The following ATXN1 variants were observed in gnomAD, a reference collection of about 807,000 sequenced individuals.
The protein encoded by ATXN1 is ataxin 1.
ATXN1 carries 8 observed loss-of-function variants against 56.4 expected under a neutral mutation model. The ratio of observed to expected loss-of-function variants is 0.14; its 90% CI spans 0.08 to 0.26. The LOEUF is 0.26. Ranked by LOEUF, ATXN1 falls within the 10% of genes least tolerant of loss-of-function variation. ATXN1 has a pLI of 1.00. For synonymous variants in ATXN1, 514 were observed against 494.6 expected, an observed-to-expected ratio of 1.04 and a Z score of -0.52; for missense variants, 987 against 1,106.5, an observed-to-expected ratio of 0.89 and a Z score of 1.53.
intron 6 of ATXN1, among the ~76,000 whole-genome samples, chr6:16,464,585 C>T (rs543585282): frequency 2.0e-5 from 3 of 152,114 alleles, no homozygotes; most frequent in South Asian, 2.1e-4. Context: ...TTGAAGTCAG[C>T]GAGACCATAA....
intron 6 of ATXN1, among the ~76,000 whole-genome samples, chr6:16,354,655 T>C (rs1309421750): frequency 6.6e-6 from 1 of 152,188 alleles, no homozygotes; most frequent in Non-Finnish European, 1.5e-5. Flanking sequence ...TTTAGATATT[T>C]AGAGGATAAT....
intron 2 of ATXN1, among the ~76,000 whole-genome samples, chr6:16,667,742 C>T (rs1321468993): frequency 1.3e-5 from 2 of 152,228 alleles, no homozygotes; most frequent in African/African-American, 4.8e-5. Flanking sequence ...AAACGCTTAA[C>T]TCCCTTGGGT....
chr6:16,602,367 CT>C (rs1762926865), intron 3 of ATXN1, among the ~76,000 whole-genome samples: 1 of 151,978 alleles, frequency 6.6e-6, no homozygotes, highest in African/African-American at 2.4e-5. Context: ...TACTTTAAAG[CT>C]TTTAATTTTT....
At chr6:16,416,070 CAAG>C (rs1338172457) in intron 6 of ATXN1, among the ~76,000 whole-genome samples, 1 of 111,102 alleles carries the variant, frequency 9.0e-6, no homozygotes, top group Non-Finnish European at 1.8e-5. Flanking sequence ...AATTTATTCA[CAAG>C]AAGAACTACC....
intron 5 of ATXN1, among the ~76,000 whole-genome samples, chr6:16,502,564 C>A (rs1415165173): frequency 3.3e-5 from 5 of 152,046 alleles, no homozygotes; most frequent in Non-Finnish European, 5.9e-5. Flanking sequence ...ACAAAACTTG[C>A]CCAGAATATC....
chr6:16,758,778 C>CA, intron 1 of ATXN1, among the ~76,000 whole-genome samples: 1 of 152,218 alleles, frequency 6.6e-6, no homozygotes, highest in East Asian at 1.9e-4. Context: ...GGGAGCCCTT[C>CA]AACCTCTGCT....
intron 6 of ATXN1, among the ~76,000 whole-genome samples, chr6:16,449,199 G>A (rs980723104): frequency 2.6e-5 from 4 of 152,102 alleles, no homozygotes; most frequent in African/African-American, 9.7e-5. Flanking sequence ...AATTTCACAA[G>A]TGAGCACCCT....
At chr6:16,384,078 C>T (rs2113510581) in intron 6 of ATXN1, among the ~76,000 whole-genome samples, 1 of 152,356 alleles carries the variant, frequency 6.6e-6, no homozygotes, top group East Asian at 1.9e-4. Flanking sequence ...CCAAGAAACG[C>T]ATGCACCTGA....
At chr6:16,453,986 C>T (rs887534588) in intron 6 of ATXN1, among the ~76,000 whole-genome samples, 2 of 151,782 alleles carry the variant, frequency 1.3e-5, no homozygotes, top group African/African-American at 4.8e-5. Flanking sequence ...ACTAAAACTA[C>T]AAAAAAGGTT....
Position 16,424,623 on chromosome 6 carries a change from C to T in ATXN1, c.-161+61349G>A, listed in dbSNP as rs570197199. Among the ~76,000 whole-genome samples, 30 of 152,320 alleles carry T rather than the reference C, an allele frequency of 2.0e-4. 1 individual carries two copies. The South Asian group carries it at 5.6e-3, about 28-fold the overall frequency. On this transcript the variant is annotated intron_variant, in intron 6 of 7. Transcript: ENST00000436367. ...TTCTCCATTGCTGTCTCTGTCTGCC[C>T]TGCTACTCAGAAGACGGTGGAAGGA...
chr6:16,541,807 T>C (rs1025408878), intron 4 of ATXN1, among the ~76,000 whole-genome samples: 1 of 152,126 alleles, frequency 6.6e-6, no homozygotes, highest in Non-Finnish European at 1.5e-5. Flanking sequence ...AACACGGAAA[T>C]TGTATCCTGC....
At chr6:16,674,061 A>ATG (rs1324250096) in intron 2 of ATXN1, among the ~76,000 whole-genome samples, 3 of 151,812 alleles carry the variant, frequency 2.0e-5, no homozygotes, top group African/African-American at 7.3e-5. Context: ...TTATATATAT[A>ATG]TATATTCTTA....
In ATXN1 at chr6:16,457,553, A is replaced by C. The variant is rs1205648605; in HGVS notation, c.-161+28419T>G. On this transcript the variant is annotated intron_variant, in intron 6 of 7. Coordinates refer to ENST00000436367, the MANE Select transcript of ATXN1 (RefSeq NM_001128164.2). The stretch of plus-strand genomic sequence containing the variant: ...TGCACTACGGTCTGGCCTTAATATT[A>C]TCTCTCTAATAGGGAAAAATGGTCA... Among the ~76,000 whole-genome samples, 4 of 152,286 alleles carry C rather than the reference A, an allele frequency of 2.6e-5. No homozygotes were observed. In the East Asian group the frequency reaches 7.7e-4, roughly 29 times the overall value.
intron 4 of ATXN1, among the ~76,000 whole-genome samples, chr6:16,577,726 G>A (rs1263122269): frequency 6.6e-6 from 1 of 151,982 alleles, no homozygotes; most frequent in African/African-American, 2.4e-5. Flanking sequence ...CCTCTGATAT[G>A]ACTGCTTCTC....
intron 6 of ATXN1, among the ~76,000 whole-genome samples, chr6:16,367,550 A>C (rs1013806691): frequency 1.3e-5 from 2 of 152,194 alleles, no homozygotes; most frequent in Non-Finnish European, 2.9e-5. Context: ...AAATTTTCCC[A>C]GAAACATGCG....
chr6:16,587,919 G>A (rs182782796), intron 3 of ATXN1, among the ~76,000 whole-genome samples: 20 of 150,188 alleles, frequency 1.3e-4, no homozygotes, highest in East Asian at 1.2e-3. Flanking sequence ...CATCAACAGC[G>A]GAACTCTGTC....
intron 6 of ATXN1, among the ~76,000 whole-genome samples, chr6:16,398,608 G>C (rs959079692): frequency 6.6e-6 from 1 of 152,148 alleles, no homozygotes; most frequent in African/African-American, 2.4e-5. Flanking sequence ...TGTTTTGTGA[G>C]TGTGTATGTG....
At chr6:16,407,723 T>C (rs1282188495) in intron 6 of ATXN1, among the ~76,000 whole-genome samples, 1 of 152,142 alleles carries the variant, frequency 6.6e-6, no homozygotes, top group African/African-American at 2.4e-5. Context: ...AGAAGCCCCA[T>C]TGGAGGGTCT....
intron 6 of ATXN1, among the ~76,000 whole-genome samples, chr6:16,402,433 C>G (rs1418252409): frequency 1.7e-5 from 1 of 59,260 alleles, no homozygotes; most frequent in Non-Finnish European, 3.1e-5. Flanking sequence ...TATGGTTTTT[C>G]TAATTCGTTT....
Sources: allele counts gnomAD v4.1 joint callset (sites outside exome capture counted in the v4.1 genomes callset), GRCh38; gene constraint gnomAD v4.1.1; transcripts MANE v1.5; gene names NCBI Gene and HGNC (gene_info 2026-07-23, HGNC 2026-07-21).